Variants in APAF1 observed in about 807,000 individuals in gnomAD.
APAF1 encodes the protein apoptotic protease-activating factor 1.
APAF1 carries 91 observed loss-of-function variants against 152.4 expected under a neutral mutation model. The observed-to-expected ratio is 0.60, with a 90% CI of 0.50 to 0.71. APAF1 has a LOEUF of 0.71. APAF1 is among the 30% of genes least tolerant of loss of function. APAF1 has a pLI of 0.00. For missense variants in APAF1, 1,283 were observed against 1,472.0 expected (o/e 0.87, Z 2.10); for synonymous variants, 484 against 494.1 (o/e 0.98, Z 0.27).
intron 18 of APAF1, among the ~76,000 whole-genome samples, chr12:98,703,765 G>A (rs1469856718): frequency 6.6e-6 from 1 of 152,140 alleles, no homozygotes; most frequent in Non-Finnish European, 1.5e-5. Context: ...CCAGGAACTG[G>A]GAAAACAATG....
intron 13 of APAF1, among the ~76,000 whole-genome samples, chr12:98,679,837 G>T (rs1030111903): frequency 2.0e-5 from 3 of 152,270 alleles, no homozygotes; most frequent in Non-Finnish European, 2.9e-5. Context: ...ACGTCTGTGC[G>T]CAGTGGCTGG....
chr12:98,732,312 C>T (rs2097763482), intron 26 of APAF1, 108 bp from the exon 27 acceptor site: 1 of 971,638 alleles, frequency 1.0e-6, no homozygotes, highest in South Asian at 1.3e-5. Context: ...CTCCTGTTTG[C>T]TTGAGTTCGG....
intron 14 of APAF1, among the ~76,000 whole-genome samples, chr12:98,680,840 G>C (rs1223114101): frequency 6.6e-6 from 1 of 152,230 alleles, no homozygotes; most frequent in Non-Finnish European, 1.5e-5. Flanking sequence ...ACAAGTCCAT[G>C]GGTTAAATAT....
intron 16 of APAF1, among the ~76,000 whole-genome samples, chr12:98,690,993 G>A (rs886446336): frequency 5.3e-5 from 8 of 152,138 alleles, no homozygotes; most frequent in African/African-American, 9.7e-5. Context: ...CGGATCATGA[G>A]GTCAGGAGTT....
At chr12:98,719,946 T>C (rs1357408064) in intron 22 of APAF1, among the ~76,000 whole-genome samples, 2 of 152,156 alleles carry the variant, frequency 1.3e-5, no homozygotes, top group African/African-American at 4.8e-5. Flanking sequence ...GTGTGAGTCC[T>C]AGGAAGCAGT....
chr12:98,702,322 C>T (rs549978827), intron 17 of APAF1, among the ~76,000 whole-genome samples: 2 of 152,082 alleles, frequency 1.3e-5, no homozygotes, highest in Non-Finnish European at 2.9e-5. Context: ...GCCTTGGCCT[C>T]GCAAAGTGCT....
chr12:98,702,837 G>GT (rs1472900410), intron 17 of APAF1, among the ~76,000 whole-genome samples: 1 of 135,054 alleles, frequency 7.4e-6, no homozygotes, highest in Non-Finnish European at 1.5e-5. Flanking sequence ...GCAGAAGTCT[G>GT]TCTCAAAAAA....
chr12:98,677,613 A>G (rs1295402434), intron 13 of APAF1, 62 bp downstream of exon 13: 4 of 1,603,782 alleles, frequency 2.5e-6, no homozygotes, highest in Non-Finnish European at 3.4e-6. Flanking sequence ...GCAGATCAGA[A>G]TATGTTTAAA....
chr12:98,659,469 C>T (rs1009168671), intron 5 of APAF1, 126 bp downstream of exon 5: 60 of 1,065,358 alleles, frequency 5.6e-5, no homozygotes, highest in African/African-American at 1.7e-4. Flanking sequence ...AGAACCATTG[C>T]GGCCAGGTGC....
chr12:98,659,457 A>C, intron 5 of APAF1, 114 bp downstream of exon 5: 1 of 1,198,428 alleles, frequency 8.3e-7, no homozygotes, highest in African/African-American at 1.5e-5. Flanking sequence ...GGAGGATAAG[A>C]GAGAACCATT....
chr12:98,695,694 G>T (rs974605516), intron 16 of APAF1, among the ~76,000 whole-genome samples: 1 of 152,246 alleles, frequency 6.6e-6, no homozygotes, highest in Non-Finnish European at 1.5e-5. Flanking sequence ...CTTGTATTCT[G>T]CCAGAGTAGG....
chr12:98,648,824 C>T lies in APAF1; in HGVS notation c.328+9C>T, dbSNP rs1473529644. On this transcript the variant is annotated intron_variant, in intron 3 of 26. Transcript: ENST00000551964. The stretch of plus-strand genomic sequence containing the variant: ...TGGAATAACTTCGTATGGTTTGTAT[C>T]CATTATACCTTCTATCACTTTGCTA... 1 of 1,610,814 alleles carries T rather than the reference C, an allele frequency of 6.2e-7. No homozygotes were observed. Among genetic ancestry groups the T allele is most frequent in the Admixed American group, 1.7e-5 (1 of 60,010 alleles).
At chr12:98,689,324 T>C (rs2097701479) in intron 16 of APAF1, among the ~76,000 whole-genome samples, 1 of 152,196 alleles carries the variant, frequency 6.6e-6, no homozygotes, top group African/African-American at 2.4e-5. Flanking sequence ...TCTTGGGATG[T>C]TTCCTATGTG....
At chr12:98,676,549 A>G (rs2097686737) in intron 12 of APAF1, among the ~76,000 whole-genome samples, 1 of 152,106 alleles carries the variant, frequency 6.6e-6, no homozygotes, top group African/African-American at 2.4e-5. Context: ...TATAATATCT[A>G]TACTGGTGGA....
At chr12:98,717,640 T>C (rs973376353) in intron 22 of APAF1, among the ~76,000 whole-genome samples, 3 of 152,212 alleles carry the variant, frequency 2.0e-5, no homozygotes, top group African/African-American at 4.8e-5. Flanking sequence ...CCTCCCAATG[T>C]GCTGGGATTA....
chr12:98,701,977 T>C (rs1283962274), intron 17 of APAF1, among the ~76,000 whole-genome samples: 1 of 152,270 alleles, frequency 6.6e-6, no homozygotes, highest in Non-Finnish European at 1.5e-5. Flanking sequence ...TGGGAAGCAT[T>C]TTAAATCTGA....
intron 16 of APAF1, among the ~76,000 whole-genome samples, chr12:98,697,788 G>C (rs2097711420): frequency 6.6e-6 from 1 of 152,174 alleles, no homozygotes; most frequent in African/African-American, 2.4e-5. Context: ...AAATTCTCCT[G>C]TAAGTTTTTA....
At chr12:98,650,741 A>G (rs2097647951) in intron 4 of APAF1, among the ~76,000 whole-genome samples, 1 of 152,126 alleles carries the variant, frequency 6.6e-6, no homozygotes, top group African/African-American at 2.4e-5. Flanking sequence ...ATTACAGAGA[A>G]GTTTCCTGAG....
rs1451798212 is a variant in APAF1, at chr12:98,694,470, CT to C, written c.2305-4936del. 2.0e-5 allele frequency among the ~76,000 whole-genome samples: 3 copies of C among 151,908 alleles called. No individual in the cohort carries two copies. In the East Asian group the frequency reaches 5.8e-4, roughly 29 times the overall value. The stretch of plus-strand genomic sequence containing the variant: ...ATTAAAATTTTTTTTCCTCTCCTTC[CT>C]TCTTTTTGTCCATTTGCCCTACTTT... On this transcript the variant is annotated intron_variant, in intron 16 of 26. Coordinates refer to ENST00000551964, the MANE Select transcript of APAF1 (RefSeq NM_181861.2).
Sources: allele counts gnomAD v4.1 joint callset (sites outside exome capture counted in the v4.1 genomes callset), GRCh38; gene constraint gnomAD v4.1.1; transcripts MANE v1.5; gene names NCBI Gene and HGNC (gene_info 2026-07-23, HGNC 2026-07-21).